NEBL: variants seen among roughly 807,000 people sequenced by gnomAD.
NEBL encodes the protein LIM and SH3 protein 2.
In NEBL, 122 loss-of-function variants were observed where a neutral mutation model predicts 140.2. The ratio of observed to expected loss-of-function variants is 0.87; its 90% confidence interval spans 0.75 to 1.01. The LOEUF is 1.01. Ranked by LOEUF, NEBL falls within the 50% of genes least tolerant of loss-of-function variation. The probability of loss-of-function intolerance (pLI) is 0.00; values close to 1 mark genes in which losing one functional copy is unlikely to be tolerated. For synonymous variants in NEBL, 436 were observed against 398.9 expected (o/e 1.09, Z -1.11); for missense variants, 1,365 against 1,231.3 (o/e 1.11, Z -1.62).
chr10:21,195,585 G>C (rs1380744398), intron 3 of NEBL, among the ~76,000 whole-genome samples: 3 of 152,166 alleles, frequency 2.0e-5, no homozygotes, highest in African/African-American at 7.2e-5. Context: ...CAGCCATTTA[G>C]TTGCATAACT....
intron 1 of NEBL, among the ~76,000 whole-genome samples, chr10:21,283,135 C>T (rs951753965): frequency 1.1e-4 from 13 of 121,432 alleles, no homozygotes; most frequent in African/African-American, 4.2e-4. Context: ...GACTGTGTCT[C>T]AAAAAAAAAA....
chr10:20,923,172 A>C (rs1158233008), intron 4 of NEBL, among the ~76,000 whole-genome samples: 1 of 151,814 alleles, frequency 6.6e-6, no homozygotes, highest in Non-Finnish European at 1.5e-5. Flanking sequence ...ATCTCAATCG[A>C]TCCTCCAGCC....
chr10:20,819,343 T>C, intron 20 of NEBL, 81 bp downstream of exon 20: 2 of 1,603,836 alleles, frequency 1.2e-6, no homozygotes, highest in Non-Finnish European at 1.7e-6. Context: ...TTGCTAAGGA[T>C]AATGGCCTTC....
At chr10:21,190,015 T>G (rs1234851407) in intron 3 of NEBL, among the ~76,000 whole-genome samples, 1 of 152,190 alleles carries the variant, frequency 6.6e-6, no homozygotes, top group African/African-American at 2.4e-5. Context: ...TGTTTTGGAT[T>G]AAAGTGGCCT....
At chr10:20,933,723 G>A (rs1018608887) in intron 4 of NEBL, among the ~76,000 whole-genome samples, 1 of 152,182 alleles carries the variant, frequency 6.6e-6, no homozygotes, top group African/African-American at 2.4e-5. Context: ...GGGTGACAGA[G>A]GGAGACTCCA....
chr10:20,964,894 T>A (rs1393804578), intron 3 of NEBL, among the ~76,000 whole-genome samples: 1 of 152,160 alleles, frequency 6.6e-6, no homozygotes, highest in Non-Finnish European at 1.5e-5. Flanking sequence ...CGTGAGCTAA[T>A]CTCTTCCTTT....
intron 2 of NEBL, among the ~76,000 whole-genome samples, chr10:21,022,123 G>A (rs963611663): frequency 3.9e-5 from 6 of 152,060 alleles, no homozygotes; most frequent in Admixed American, 2.6e-4. Context: ...TCCCATGTTC[G>A]GCTGGCGCTG....
At chr10:21,121,316 G>T (rs1273273869) in intron 2 of NEBL, among the ~76,000 whole-genome samples, 2 of 152,014 alleles carry the variant, frequency 1.3e-5, no homozygotes, top group Admixed American at 6.6e-5. Flanking sequence ...TTAATGTCAC[G>T]GTCATGCCAA....
At chr10:20,978,452 G>C (rs1222809997) in intron 3 of NEBL, among the ~76,000 whole-genome samples, 1 of 151,298 alleles carries the variant, frequency 6.6e-6, no homozygotes, top group African/African-American at 2.4e-5. Context: ...CGAGTTATTT[G>C]ATTAAATCAA....
In NEBL at chr10:20,831,576, T is replaced by C. The variant is rs200177229; in HGVS notation, c.1457A>G (p.Tyr486Cys). 8 of 1,599,466 alleles carry C rather than the reference T, an allele frequency of 5.0e-6. No individual in the cohort carries two copies. The African/African-American group carries it at 9.4e-5, about 19-fold the overall frequency. Reference sequence around the variant, plus strand: ...AATTTCAGTCTCCAGATCTCTTTTATAGTCTTTCTGCAGAAAATGAAACAT... The same window carrying C: ...AATTTCAGTCTCCAGATCTCTTTTACAGTCTTTCTGCAGAAAATGAAACAT... ...KAAEIASEKDYKRDLETEIKG... is the reference protein window; with the variant it reads ...KAAEIASEKDCKRDLETEIKG... Residue 486 changes from tyrosine (Y) to cysteine (C), a missense_variant, in exon 15 of 28, where the codon TAT becomes TGT. By Grantham distance (194) the Tyr-to-Cys change is radical. Transcript: ENST00000377122.
At chr10:21,114,199 G>T (rs1838174265) in intron 2 of NEBL, among the ~76,000 whole-genome samples, 1 of 152,028 alleles carries the variant, frequency 6.6e-6, no homozygotes, top group Admixed American at 6.6e-5. Flanking sequence ...TTATTCAAGT[G>T]TGTTGTGTGG....
At chr10:20,844,253 T>C (rs7915465) in intron 12 of NEBL, among the ~76,000 whole-genome samples, 8,861 of 152,130 alleles carry the variant, frequency 0.058, 362 homozygotes, top group Middle Eastern at 0.12. Flanking sequence ...CTCAAATTTA[T>C]TTCACTGGTC....
intron 2 of NEBL, among the ~76,000 whole-genome samples, chr10:21,044,424 A>AAAAAAAAAC (rs1564491184): frequency 6.7e-6 from 1 of 149,890 alleles, no homozygotes; most frequent in Non-Finnish European, 1.5e-5. Flanking sequence ...AAAAAAAAAA[A>AAAAAAAAAC]AAAGCTCCTA....
chr10:20,832,479 C>G (rs1840509193), intron 14 of NEBL, among the ~76,000 whole-genome samples: 1 of 151,880 alleles, frequency 6.6e-6, no homozygotes, highest in Non-Finnish European at 1.5e-5. Flanking sequence ...ACAAGATAGT[C>G]ATAATTACAT....
Position 20,815,654 on chromosome 10 carries a change from C to G in NEBL, c.2212G>C (p.Val738Leu), listed in dbSNP as rs1838651536. 2 of 1,612,386 alleles carry G rather than the reference C, an allele frequency of 1.2e-6. No homozygotes were observed. The highest frequency in any genetic ancestry group is 1.7e-6 in the Non-Finnish European group (2 of 1,178,624). ...TLSVTPEMER[V>L]KKNQENISSV... The stretch of plus-strand genomic sequence containing the variant: ...CTAATATTTTCTTGATTCTTCTTCA[C>G]TCTTTCCATTTCAGGAGTTACACTT... Residue 738 changes from valine (V) to leucine (L), a missense_variant, in exon 22 of 28, where the codon GTG becomes CTG. Physicochemically the swap from Val to Leu is conservative, Grantham distance 32. Transcript: ENST00000377122.
intron 2 of NEBL, among the ~76,000 whole-genome samples, chr10:21,122,317 C>A (rs1031229014): frequency 6.6e-6 from 1 of 152,000 alleles, no homozygotes; most frequent in African/African-American, 2.4e-5. Flanking sequence ...TGAGCCACCA[C>A]GCCCAGCCGG....
At chr10:20,883,890 G>C (rs779737935) in intron 4 of NEBL, among the ~76,000 whole-genome samples, 7 of 151,148 alleles carry the variant, frequency 4.6e-5, no homozygotes, top group African/African-American at 1.7e-4. Flanking sequence ...CATCAAATTA[G>C]AGGGAGCTGA....
chr10:21,036,927 C>T (rs1834038556), intron 2 of NEBL, among the ~76,000 whole-genome samples: 3 of 152,104 alleles, frequency 2.0e-5, no homozygotes, highest in African/African-American at 7.2e-5. Flanking sequence ...TGGAATACAG[C>T]CCTCCTTGCT....
chr10:21,132,812 T>A (rs1485786586), intron 2 of NEBL, among the ~76,000 whole-genome samples: 1 of 152,218 alleles, frequency 6.6e-6, no homozygotes, highest in African/African-American at 2.4e-5. Context: ...CTGTTGCCTA[T>A]TTTTAATTGG....
Sources: allele counts gnomAD v4.1 joint callset (sites outside exome capture counted in the v4.1 genomes callset), GRCh38; gene constraint gnomAD v4.1.1; transcripts MANE v1.5; gene names NCBI Gene and HGNC (gene_info 2026-07-23, HGNC 2026-07-21).